The following MBNL2 variants were observed in gnomAD, a reference collection of about 807,000 sequenced individuals.
The protein encoded by MBNL2 is muscleblind like splicing regulator 2.
A neutral mutation model predicts 41.9 loss-of-function variants in MBNL2; 17 were observed. The observed-to-expected ratio is 0.41, with a 90% confidence interval of 0.28 to 0.61. The LOEUF (loss-of-function observed/expected upper bound fraction) is 0.61. Among genes scored for constraint, MBNL2 ranks in the 20% least tolerant of loss-of-function variants. The probability of loss-of-function intolerance (pLI) is 0.35; values close to 1 mark genes in which losing one functional copy is unlikely to be tolerated. For missense variants in MBNL2, 336 were observed against 505.6 expected (o/e 0.66, Z 3.22); for synonymous variants, 195 against 182.9 (o/e 1.07, Z -0.53).
At chr13:97,265,852 A>G (rs2049658732) in intron 1 of MBNL2, among the ~76,000 whole-genome samples, 1 of 152,168 alleles carries the variant, frequency 6.6e-6, no homozygotes, top group Admixed American at 6.5e-5. Context: ...GACATCACAC[A>G]GCTATTCAGA....
intron 3 of MBNL2, among the ~76,000 whole-genome samples, chr13:97,339,886 T>TGGG (rs2061309746): frequency 7.2e-6 from 1 of 139,788 alleles, no homozygotes; most frequent in African/African-American, 2.9e-5. Flanking sequence ...GGGGGGGCGT[T>TGGG]GTTTTTCCTC....
chr13:97,311,028 T>C (rs192702246), intron 2 of MBNL2, among the ~76,000 whole-genome samples: 363 of 152,256 alleles, frequency 2.4e-3, no homozygotes, highest in African/African-American at 8.5e-3. Context: ...CGTTTGAGAA[T>C]AGGCAGATTC....
intron 1 of MBNL2, among the ~76,000 whole-genome samples, chr13:97,227,679 T>C (rs2041843855): frequency 1.3e-5 from 2 of 152,274 alleles, no homozygotes; most frequent in Middle Eastern, 3.4e-3. Flanking sequence ...CAGCAGCTAA[T>C]TGACTTGAAT....
chr13:97,386,149 C>T (rs2065906712), intron 8 of MBNL2, among the ~76,000 whole-genome samples: 1 of 152,248 alleles, frequency 6.6e-6, no homozygotes, highest in East Asian at 1.9e-4. Context: ...AGTTGTAGGA[C>T]TAACTCTCCT....
At chr13:97,331,293 G>A (rs1163257862) in intron 2 of MBNL2, among the ~76,000 whole-genome samples, 3 of 152,058 alleles carry the variant, frequency 2.0e-5, no homozygotes, top group African/African-American at 4.8e-5. Context: ...TTCATTGAAC[G>A]GATGAAGAAA....
chr13:97,299,826 A>G (rs1219378363), intron 2 of MBNL2, among the ~76,000 whole-genome samples: 4 of 152,184 alleles, frequency 2.6e-5, no homozygotes, highest in Non-Finnish European at 5.9e-5. Flanking sequence ...GATATATTCC[A>G]TAGGTACATA....
chr13:97,380,737 A>G (rs1393700055), intron 8 of MBNL2, among the ~76,000 whole-genome samples: 4 of 151,952 alleles, frequency 2.6e-5, no homozygotes, highest in Non-Finnish European at 2.9e-5. Flanking sequence ...TTAATGGGGG[A>G]TGGTTAGTAA....
At chr13:97,290,815 A>ACTT (rs1299439616) in intron 2 of MBNL2, among the ~76,000 whole-genome samples, 1 of 152,184 alleles carries the variant, frequency 6.6e-6, no homozygotes, top group Non-Finnish European at 1.5e-5. Flanking sequence ...ATGGGGGAAG[A>ACTT]CTTTTGCAGA....
chr13:97,171,854 C>T, the MBNL2 span, among the ~76,000 whole-genome samples: 3 of 152,052 alleles, frequency 2.0e-5, no homozygotes, highest in South Asian at 2.1e-4. Context: ...CTCATGGTAG[C>T]GAATAAGTCA....
chr13:97,220,005 A>C (rs2040721273), upstream of MBNL2, among the ~76,000 whole-genome samples: 1 of 152,198 alleles, frequency 6.6e-6, no homozygotes, highest in Non-Finnish European at 1.5e-5. Context: ...ATGGATTTCA[A>C]ATGGTGGTTG....
chr13:97,362,629 G>T (rs2063506014), intron 7 of MBNL2, among the ~76,000 whole-genome samples: 1 of 152,120 alleles, frequency 6.6e-6, no homozygotes, highest in African/African-American at 2.4e-5. Flanking sequence ...AGACCACACG[G>T]GACCTTTATC....
intron 1 of MBNL2, among the ~76,000 whole-genome samples, chr13:97,244,657 G>C (rs2045078040): frequency 6.6e-6 from 1 of 152,142 alleles, no homozygotes; most frequent in African/African-American, 2.4e-5. Context: ...ATAATGGCCT[G>C]TTTGTTTTGC....
intron 1 of MBNL2, among the ~76,000 whole-genome samples, chr13:97,233,543 G>C (rs899741017): frequency 6.6e-6 from 1 of 151,742 alleles, no homozygotes; most frequent in Non-Finnish European, 1.5e-5. Context: ...AGTCTTAGCT[G>C]GTGGAAGGAA....
At chr13:97,199,993 T>A in the MBNL2 span, among the ~76,000 whole-genome samples, 1 of 152,224 alleles carries the variant, frequency 6.6e-6, no homozygotes, top group African/African-American at 2.4e-5. Context: ...TCTGCCAGAC[T>A]GGCAAATGGA....
At chr13:97,209,707 T>C in the MBNL2 span, among the ~76,000 whole-genome samples, 6 of 152,228 alleles carry the variant, frequency 3.9e-5, no homozygotes, top group Non-Finnish European at 8.8e-5. Context: ...TGGTAAAATT[T>C]CTAGTTTTCT....
the MBNL2 span, among the ~76,000 whole-genome samples, chr13:97,189,854 T>G: frequency 6.6e-6 from 1 of 152,376 alleles, no homozygotes; most frequent in South Asian, 2.1e-4. Flanking sequence ...TTATTAATGT[T>G]TACTTTCAGA....
intron 2 of MBNL2, among the ~76,000 whole-genome samples, chr13:97,282,322 T>C (rs1013344201): frequency 6.6e-6 from 1 of 151,934 alleles, no homozygotes; most frequent in African/African-American, 2.4e-5. Context: ...ACCACTGTAC[T>C]CCAGCCTGGG....
chr13:97,147,581 G>C, the MBNL2 span, among the ~76,000 whole-genome samples: 1 of 152,100 alleles, frequency 6.6e-6, no homozygotes, highest in Non-Finnish European at 1.5e-5. Flanking sequence ...GTTGTTTAAA[G>C]TTTAGGAGAT....
intron 2 of MBNL2, among the ~76,000 whole-genome samples, chr13:97,290,927 CCTGG>C (rs60924262): frequency 0.087 from 13,260 of 152,108 alleles, 637 homozygotes; most frequent in South Asian, 0.14. Flanking sequence ...AAGCTCTAAG[CCTGG>C]CTGGAGATGA....
Sources: gnomAD v4.1 joint callset for allele counts (sites outside exome capture counted in the v4.1 genomes callset) on GRCh38, gnomAD v4.1.1 for gene constraint, MANE v1.5 for transcripts, NCBI Gene and HGNC (gene_info 2026-07-23, HGNC 2026-07-21) for gene names.